OR1F1: variants seen among roughly 807,000 people sequenced by gnomAD.
The protein encoded by OR1F1 is olfactory receptor family 1 subfamily F member 1, also known as olfactory receptor 1F1.
For synonymous variants in OR1F1, 184 were observed against 156.7 expected (o/e 1.17, Z -1.30); for missense variants, 493 against 376.3 (o/e 1.31, Z -2.57).
chr16:3,191,540 C>T, the OR1F1 span, among the ~76,000 whole-genome samples: 3 of 152,276 alleles, frequency 2.0e-5, no homozygotes, highest in Admixed American at 6.5e-5. Flanking sequence ...GACTCTTAAT[C>T]TCAGGGTCGT....
At chr16:3,201,194 T>C (rs527715399), upstream of OR1F1, among the ~76,000 whole-genome samples, 4 of 152,380 alleles carry the variant, frequency 2.6e-5, no homozygotes, top group African/African-American at 9.6e-5. Flanking sequence ...ATCATAAGGA[T>C]CTACCACATT....
chr16:3,202,144 A>G (rs992735138), upstream of OR1F1, among the ~76,000 whole-genome samples: 2 of 152,154 alleles, frequency 1.3e-5, no homozygotes, highest in African/African-American at 4.8e-5. Flanking sequence ...GCATCAGTAC[A>G]ATGTTATTAA....
At chr16:3,194,510 A>G in the OR1F1 span, among the ~76,000 whole-genome samples, 1 of 152,190 alleles carries the variant, frequency 6.6e-6, no homozygotes, top group Admixed American at 6.5e-5. Context: ...CGTTCAATCT[A>G]TCCTGGTTGA....
At chr16:3,193,998 A>G in the OR1F1 span, among the ~76,000 whole-genome samples, 1 of 152,178 alleles carries the variant, frequency 6.6e-6, no homozygotes, top group Non-Finnish European at 1.5e-5. Flanking sequence ...GTAAGACAAC[A>G]CCGACCGTAG....
the OR1F1 span, among the ~76,000 whole-genome samples, chr16:3,195,869 C>T: frequency 1.3e-5 from 2 of 152,170 alleles, no homozygotes; most frequent in African/African-American, 4.8e-5. Flanking sequence ...TACATCTGGG[C>T]ACACCTTGGG....
chr16:3,202,326 G>C (rs1037529324), upstream of OR1F1, among the ~76,000 whole-genome samples: 5 of 152,172 alleles, frequency 3.3e-5, no homozygotes, highest in African/African-American at 4.8e-5. Context: ...ACAGGGTCTT[G>C]ATGTTATCAT....
the OR1F1 span, among the ~76,000 whole-genome samples, chr16:3,198,031 A>G: frequency 9.4e-4 from 50 of 53,220 alleles, no homozygotes; most frequent in South Asian, 1.3e-3. Context: ...GAGAGGGAGA[A>G]GGAGAGGGAG....
upstream of OR1F1, among the ~76,000 whole-genome samples, chr16:3,203,555 A>G (rs551150747): frequency 5.9e-5 from 9 of 152,294 alleles, no homozygotes; most frequent in East Asian, 7.7e-4. Flanking sequence ...CACGAGGTCA[A>G]GAGATAGAGA....
At chr16:3,200,268 TC>T (rs1958121876), upstream of OR1F1, among the ~76,000 whole-genome samples, 1 of 152,088 alleles carries the variant, frequency 6.6e-6, no homozygotes, top group Non-Finnish European at 1.5e-5. Context: ...GTTGCACGTC[TC>T]GTTAGCATCT....
chr16:3,195,599 T>C, the OR1F1 span, among the ~76,000 whole-genome samples: 1 of 145,660 alleles, frequency 6.9e-6, no homozygotes, highest in Non-Finnish European at 1.5e-5. Context: ...AGAGAATCGC[T>C]GGAGCCCGGG....
chr16:3,193,850 G>T, the OR1F1 span, among the ~76,000 whole-genome samples: 44,633 of 151,968 alleles, frequency 0.29, 7,490 homozygotes, highest in African/African-American at 0.47. Context: ...CAATTCTAGG[G>T]TCATTTTCTA....
chr16:3,198,641 G>A, the OR1F1 span, among the ~76,000 whole-genome samples: 4 of 152,122 alleles, frequency 2.6e-5, no homozygotes, highest in African/African-American at 7.2e-5. Context: ...GGGTAGTGGC[G>A]AGGTCCTGCC....
At chr16:3,189,359 A>G in the OR1F1 span, among the ~76,000 whole-genome samples, 1 of 151,234 alleles carries the variant, frequency 6.6e-6, no homozygotes, top group Non-Finnish European at 1.5e-5. Context: ...CGCGCCTCGG[A>G]GACGCCGAAT....
chr16:3,192,023 G>GC, the OR1F1 span, among the ~76,000 whole-genome samples: 3 of 152,074 alleles, frequency 2.0e-5, no homozygotes, highest in Non-Finnish European at 4.4e-5. Flanking sequence ...TCTCGCTTAG[G>GC]ATGCGAGAGG....
At chr16:3,194,118 CAG>C in the OR1F1 span, among the ~76,000 whole-genome samples, 1 of 152,150 alleles carries the variant, frequency 6.6e-6, no homozygotes, top group Non-Finnish European at 1.5e-5. Context: ...GGAAGAAAAA[CAG>C]GGCATTAAAC....
At chr16:3,202,701 A>G (rs1000983780), upstream of OR1F1, among the ~76,000 whole-genome samples, 1 of 134,232 alleles carries the variant, frequency 7.4e-6, no homozygotes, top group African/African-American at 3.6e-5. Flanking sequence ...AATAATAATA[A>G]TAATAACAAT....
At chr16:3,206,462 C>G (rs1388173801), downstream of OR1F1, among the ~76,000 whole-genome samples, 1 of 152,136 alleles carries the variant, frequency 6.6e-6, no homozygotes, top group African/African-American at 2.4e-5. Flanking sequence ...TACACCCCCA[C>G]CCCTTTTAAA....
the OR1F1 span, among the ~76,000 whole-genome samples, chr16:3,189,186 T>C: frequency 1.2e-4 from 19 of 152,318 alleles, no homozygotes; most frequent in Middle Eastern, 6.8e-3. Context: ...TGGTGTCTCG[T>C]GCACTCCGTC....
upstream of OR1F1, among the ~76,000 whole-genome samples, chr16:3,199,670 A>G (rs568886306): frequency 1.3e-5 from 2 of 152,338 alleles, no homozygotes; most frequent in East Asian, 3.9e-4. Context: ...AGAGACACAC[A>G]GCAAAACAAA....
Sources: allele counts gnomAD v4.1 joint callset (sites outside exome capture counted in the v4.1 genomes callset), GRCh38; gene constraint gnomAD v4.1.1; transcripts MANE v1.5; gene names NCBI Gene and HGNC (gene_info 2026-07-23, HGNC 2026-07-21).